Variants in HS3ST2 observed in about 807,000 individuals in gnomAD.
The protein encoded by HS3ST2 is heparan sulfate-glucosamine 3-sulfotransferase 2.
HS3ST2 carries 17 observed loss-of-function variants against 26.3 expected under a neutral mutation model. The observed-to-expected ratio is 0.65, with a 90% CI of 0.44 to 0.97. The LOEUF is 0.97. Among genes scored for constraint, HS3ST2 ranks in the 50% least tolerant of loss-of-function variants. The pLI, the probability that HS3ST2 is intolerant of heterozygous loss-of-function variation, is 0.00. For synonymous variants in HS3ST2, 237 were observed against 219.2 expected (o/e 1.08, Z -0.72); for missense variants, 402 against 501.2 (o/e 0.80, Z 1.89).
At chr16:22,911,754 C>T (rs190394041) in intron 1 of HS3ST2, among the ~76,000 whole-genome samples, 23 of 152,260 alleles carry the variant, frequency 1.5e-4, no homozygotes, top group Admixed American at 6.5e-4. Context: ...CACTCTAATC[C>T]GGGATGATCT....
At chr16:22,880,690 C>CTCCA (rs1901978495) in intron 1 of HS3ST2, among the ~76,000 whole-genome samples, 1 of 152,158 alleles carries the variant, frequency 6.6e-6, no homozygotes, top group Non-Finnish European at 1.5e-5. Flanking sequence ...ACTCAGGGAA[C>CTCCA]TCCATGCCTC....
chr16:22,839,134 C>A (rs1049114844), intron 1 of HS3ST2, among the ~76,000 whole-genome samples: 6 of 152,230 alleles, frequency 3.9e-5, no homozygotes, highest in African/African-American at 1.4e-4. Flanking sequence ...TAAAGCATAT[C>A]TCTGCTTATG....
intron 1 of HS3ST2, among the ~76,000 whole-genome samples, chr16:22,902,752 T>C (rs908214622): frequency 3.3e-5 from 5 of 152,210 alleles, no homozygotes; most frequent in Non-Finnish European, 7.3e-5. Flanking sequence ...GTGAATAATA[T>C]TATCTCATCA....
At chr16:22,895,343 G>C (rs141502886) in intron 1 of HS3ST2, among the ~76,000 whole-genome samples, 1,571 of 152,252 alleles carry the variant, frequency 0.01, 24 homozygotes, top group African/African-American at 0.036. Context: ...GCCTGCCTCA[G>C]CTTCCCAAAG....
intron 1 of HS3ST2, among the ~76,000 whole-genome samples, chr16:22,841,961 A>G (rs1901363907): frequency 6.6e-6 from 1 of 152,108 alleles, no homozygotes; most frequent in Non-Finnish European, 1.5e-5. Flanking sequence ...TGCTGTTGAG[A>G]AAACTTCTCT....
At chr16:22,836,451 G>A (rs1306721378) in intron 1 of HS3ST2, among the ~76,000 whole-genome samples, 1 of 152,184 alleles carries the variant, frequency 6.6e-6, no homozygotes, top group Non-Finnish European at 1.5e-5. Context: ...TGTTAACTCT[G>A]ATGCTGCACT....
intron 1 of HS3ST2, among the ~76,000 whole-genome samples, chr16:22,836,604 AT>A (rs997867598): frequency 1.3e-5 from 2 of 149,792 alleles, no homozygotes; most frequent in African/African-American, 2.5e-5. Context: ...ATGAGTATCT[AT>A]TTTTTTTTCA....
intron 1 of HS3ST2, among the ~76,000 whole-genome samples, chr16:22,843,100 T>C (rs1567485278): frequency 6.6e-6 from 1 of 152,024 alleles, no homozygotes; most frequent in Non-Finnish European, 1.5e-5. Flanking sequence ...TTTCTTCTAC[T>C]CTCACACTGC....
intron 1 of HS3ST2, among the ~76,000 whole-genome samples, chr16:22,902,763 T>C (rs1902297621): frequency 6.6e-6 from 1 of 152,224 alleles, no homozygotes; most frequent in South Asian, 2.1e-4. Flanking sequence ...TATCTCATCA[T>C]GATTTTAGTT....
chr16:22,892,284 T>A (rs1159342634), intron 1 of HS3ST2, among the ~76,000 whole-genome samples: 1 of 148,442 alleles, frequency 6.7e-6, no homozygotes, highest in Non-Finnish European at 1.5e-5. Context: ...AGCAAGACTC[T>A]GTCTCAAAAA....
intron 1 of HS3ST2, among the ~76,000 whole-genome samples, chr16:22,840,445 C>T (rs534827452): frequency 6.6e-6 from 1 of 151,818 alleles, no homozygotes; most frequent in South Asian, 2.1e-4. Context: ...TTAAGTGACA[C>T]AATCTTGGCT....
At chr16:22,818,164 C>T (rs564943386) in intron 1 of HS3ST2, among the ~76,000 whole-genome samples, 132 of 152,260 alleles carry the variant, frequency 8.7e-4, no homozygotes, top group African/African-American at 3.1e-3. Flanking sequence ...ATTTCCTCCC[C>T]GAGGTAAGAG....
In HS3ST2 at chr16:22,915,342, A is replaced by C; in HGVS notation, c.884A>C (p.Lys295Thr). ...CGAGTCCAGGACTTCCTGGGCATTAAGAGATTCATCACGGACAAGCACTTC... is the reference window on the plus strand; with the variant it reads ...CGAGTCCAGGACTTCCTGGGCATTACGAGATTCATCACGGACAAGCACTTC... ...MGRVQDFLGI[K>T]RFITDKHFYF... The change falls in exon 2 of 2, where the codon AAG (lysine) becomes ACG (threonine). Residue 295 changes from lysine (K) to threonine (T), a missense_variant. Physicochemically the swap from Lys to Thr is moderately conservative, Grantham distance 78. Coordinates refer to ENST00000261374, the MANE Select transcript of HS3ST2 (RefSeq NM_006043.2). The C allele has an allele frequency of 6.2e-7, 1 of 1,614,118 alleles. No individual in the cohort carries two copies. The highest frequency in any genetic ancestry group is 1.3e-5 in the African/African-American group (1 of 75,014).
intron 1 of HS3ST2, among the ~76,000 whole-genome samples, chr16:22,856,106 T>G (rs535523626): frequency 6.6e-6 from 1 of 152,320 alleles, no homozygotes; most frequent in South Asian, 2.1e-4. Flanking sequence ...CTCCACTTAA[T>G]TCTGCAAAAG....
At chr16:22,907,710 A>G (rs1902373827) in intron 1 of HS3ST2, among the ~76,000 whole-genome samples, 1 of 152,276 alleles carries the variant, frequency 6.6e-6, no homozygotes, top group Admixed American at 6.5e-5. Flanking sequence ...TCCAGTCTAT[A>G]GACAAGCATT....
At chr16:22,870,789 C>A (rs182999599) in intron 1 of HS3ST2, among the ~76,000 whole-genome samples, 3 of 152,284 alleles carry the variant, frequency 2.0e-5, no homozygotes, top group Admixed American at 2.0e-4. Flanking sequence ...CCCAGCCACC[C>A]TTTGCACAGT....
At chr16:22,865,096 G>C (rs961216873) in intron 1 of HS3ST2, among the ~76,000 whole-genome samples, 4 of 147,124 alleles carry the variant, frequency 2.7e-5, no homozygotes, top group African/African-American at 1.0e-4. Flanking sequence ...ACCCTCATAT[G>C]CACAATATTA....
At chr16:22,846,696 A>G (rs1033545541) in intron 1 of HS3ST2, among the ~76,000 whole-genome samples, 1 of 152,208 alleles carries the variant, frequency 6.6e-6, no homozygotes, top group African/African-American at 2.4e-5. Context: ...GGACTAGGGC[A>G]ATTCCAAAGA....
chr16:22,914,855 G>A (rs1902472077), intron 1 of HS3ST2, 89 bp from the exon 2 acceptor site: 2 of 1,358,398 alleles, frequency 1.5e-6, no homozygotes, highest in Admixed American at 2.2e-5. Context: ...GGATGCAACA[G>A]GCCCCTGGGT....
Sources: gnomAD v4.1 joint callset for allele counts (sites outside exome capture counted in the v4.1 genomes callset) on GRCh38, gnomAD v4.1.1 for gene constraint, MANE v1.5 for transcripts, NCBI Gene and HGNC (gene_info 2026-07-23, HGNC 2026-07-21) for gene names.